SMC4: variants seen among roughly 807,000 people sequenced by gnomAD.
SMC4 encodes structural maintenance of chromosomes 4.
SMC4 carries 87 observed loss-of-function variants against 145.6 expected under a neutral mutation model. The ratio of observed to expected loss-of-function variants is 0.60; its 90% CI spans 0.50 to 0.71. SMC4 has a LOEUF of 0.71. SMC4 is among the 30% of genes least tolerant of loss of function. The pLI, the probability that SMC4 is intolerant of heterozygous loss-of-function variation, is 0.00. For missense variants in SMC4, 1,447 were observed against 1,537.1 expected, an observed-to-expected ratio of 0.94 and a Z score of 0.98; for synonymous variants, 558 against 500.7, an observed-to-expected ratio of 1.11 and a Z score of -1.53.
intron 5 of SMC4, 111 bp downstream of exon 5, chr3:160,404,615 C>A: frequency 1.1e-6 from 1 of 951,976 alleles, no homozygotes; most frequent in Non-Finnish European, 1.7e-6. Context: ...TGTAGCAGCA[C>A]ATCATGGTTT....
At chr3:160,410,675 C>T (rs1378193818) in intron 5 of SMC4, among the ~76,000 whole-genome samples, 1 of 151,636 alleles carries the variant, frequency 6.6e-6, no homozygotes, top group Admixed American at 6.6e-5. Context: ...AAAATTATTT[C>T]TTAATGAGTA....
At chr3:160,410,600 G>A (rs1715876683) in intron 5 of SMC4, among the ~76,000 whole-genome samples, 1 of 152,164 alleles carries the variant, frequency 6.6e-6, no homozygotes, top group South Asian at 2.1e-4. Context: ...TGGGGTAACA[G>A]TTTTACTTTG....
intron 5 of SMC4, among the ~76,000 whole-genome samples, chr3:160,408,983 T>C (rs2108459001): frequency 6.6e-6 from 1 of 152,066 alleles, no homozygotes; most frequent in East Asian, 1.9e-4. Flanking sequence ...AAAAAAGCAA[T>C]ACGGTATAAT....
rs1718707610 is a variant in SMC4 at position 160,433,900 on chromosome 3, C to T, written c.*91C>T. On this transcript the variant is annotated 3_prime_UTR_variant, in exon 24 of 24. Coordinates refer to ENST00000357388, the MANE Select transcript of SMC4 (RefSeq NM_001002800.3). ...TTATGAGTTGTATAAAATACATACT[C>T]CCTAAACTAGATCATGAAACTGGTT... 1 of 888,550 alleles carries T rather than the reference C, an allele frequency of 1.1e-6. No individual in the cohort carries two copies. Among genetic ancestry groups the T allele is most frequent in the Non-Finnish European group, 1.7e-6 (1 of 580,538 alleles). 55.0% of individuals were successfully genotyped at this position (888,550 alleles called of 1,614,324 possible).
At position 160,399,739 on chromosome 3, in the gene SMC4, C is replaced by T. The variant is rs771451633; in HGVS notation, c.-16C>T. 1 of 152,662 alleles carries T rather than the reference C, an allele frequency of 6.6e-6. No individual in the cohort carries two copies. Among genetic ancestry groups the T allele is most frequent in the Non-Finnish European group, 1.5e-5 (1 of 68,086 alleles). The allele number at this position is 152,662 out of a possible 1,614,324, so 9.5% of individuals were successfully genotyped here. On this transcript the variant is annotated 5_prime_UTR_variant, in exon 1 of 24. Coordinates refer to ENST00000357388, the MANE Select transcript of SMC4 (RefSeq NM_001002800.3). ...CGTCTCCAGCCTTGGTCTGAGTGGACTGTCCTGCAGGTAAAGTACTTCTCT... is the reference window on the plus strand; with the variant it reads ...CGTCTCCAGCCTTGGTCTGAGTGGATTGTCCTGCAGGTAAAGTACTTCTCT...
intron 13 of SMC4, among the ~76,000 whole-genome samples, chr3:160,421,431 G>A (rs951404710): frequency 1.3e-5 from 2 of 152,054 alleles, no homozygotes; most frequent in Non-Finnish European, 1.5e-5. Flanking sequence ...CCTTTATTGA[G>A]ATAATTTACC....
Position 160,428,814 on chromosome 3 carries a change from T to C in SMC4, c.2667T>C (p.Asn889=), listed in dbSNP as rs1718069020. The C allele has an allele frequency of 6.2e-7, 1 of 1,607,290 alleles. No individual in the cohort carries two copies. Among genetic ancestry groups the C allele is most frequent in the Admixed American group, 1.7e-5 (1 of 57,652 alleles). The part of the protein sequence containing the change: ...KVEAEVKRLH[N]TIVEINNHKL... ...AAGCTGAGGTTAAACGCTTACACAA[T>C]ACCATCGTAGAAATCAATAATCATA... Residue 889 remains asparagine (N), a synonymous_variant, in exon 18 of 24, where the codon AAT becomes AAC. Transcript: ENST00000357388.
rs549002782 is a variant in SMC4 at position 160,400,652 on chromosome 3, C to T, written c.-5-170C>T. 5 of 784,906 alleles carry T rather than the reference C, an allele frequency of 6.4e-6. No homozygotes were observed. The South Asian group carries it at 8.9e-5, about 14-fold the overall frequency. 48.6% of individuals were successfully genotyped at this position (784,906 alleles called of 1,614,324 possible). ...GGTCTTGTTAAGAAACCAGTCCTGC[C>T]TTCTTGCCACTCGTGTCTTTCGATG... On this transcript the variant is annotated intron_variant, in intron 1 of 23. Coordinates refer to ENST00000357388, the MANE Select transcript of SMC4 (RefSeq NM_001002800.3).
chr3:160,432,680 G>T (rs183980068), intron 22 of SMC4, 165 bp downstream of exon 22: 98 of 551,182 alleles, frequency 1.8e-4, no homozygotes, highest in Admixed American at 5.0e-4. Context: ...CAGTTTACAG[G>T]GGCAGACAGC....
At chr3:160,414,786 G>A (rs1045745559) in intron 9 of SMC4, among the ~76,000 whole-genome samples, 1 of 152,096 alleles carries the variant, frequency 6.6e-6, no homozygotes, top group African/African-American at 2.4e-5. Flanking sequence ...TATGATTATA[G>A]TCTTGAACTC....
Position 160,425,035 on chromosome 3 carries a change from T to A in SMC4, c.2478+16T>A, listed in dbSNP as rs1291855097. ...AAGCATCCAGGTATGTGTGTGTGTG[T>A]GTGTGTGTGTGTGTGTGTACTGAAA... On this transcript the variant is annotated intron_variant, in intron 16 of 23. Coordinates refer to ENST00000357388, the MANE Select transcript of SMC4 (RefSeq NM_001002800.3). 6.4e-7 allele frequency: 1 copy of A among 1,561,860 alleles called. No individual in the cohort carries two copies. The highest frequency in any genetic ancestry group is 1.4e-5 in the African/African-American group (1 of 72,336).
At chr3:160,404,267 G>C in intron 4 of SMC4, 61 bp from the exon 5 acceptor site, 2 of 1,461,926 alleles carry the variant, frequency 1.4e-6, no homozygotes, top group Non-Finnish European at 1.9e-6. Context: ...AGTGAATTTT[G>C]AAGTAGGCCT....
At position 160,414,259 on chromosome 3, in the gene SMC4, T is replaced by C. The variant is rs755766281; in HGVS notation, c.1122-108T>C. The C allele has an allele frequency of 1.2e-5, 11 of 913,698 alleles. No homozygotes were observed. In the South Asian group the frequency reaches 1.5e-4, roughly 12 times the overall value. 56.6% of individuals were successfully genotyped at this position (913,698 alleles called of 1,614,324 possible). On this transcript the variant is annotated intron_variant, in intron 8 of 23. Transcript: ENST00000357388. ...TAAGGAGAGTTTTAGGATCCTGCCT[T>C]ATTAAGAGCCTGGACATATTTATAG...
rs917547016 is a variant in SMC4 at position 160,419,456 on chromosome 3, A to G, written c.1770A>G (p.Leu590=). 2 of 1,612,200 alleles carry G rather than the reference A, an allele frequency of 1.2e-6. No homozygotes were observed. Among genetic ancestry groups the G allele is most frequent in the Non-Finnish European group, 1.7e-6 (2 of 1,179,634 alleles). The change falls in exon 12 of 24, where the codon TTA becomes TTG. Residue 590 remains leucine (L), a synonymous_variant. Transcript: ENST00000357388. ...FQKVEEAKSS[L]AMNRSRGKVL... ...AAGTTGAAGAAGCAAAGAGCTCATT[A>G]GCAATGAATCGAAGTAGGGGGAAAG...
intron 17 of SMC4, 107 bp downstream of exon 17, chr3:160,426,307 G>T: frequency 1.3e-6 from 1 of 794,758 alleles, no homozygotes; most frequent in Non-Finnish European, 2.1e-6. Flanking sequence ...GTATATGCAA[G>T]TCATTGCACT....
intron 10 of SMC4, among the ~76,000 whole-genome samples, chr3:160,417,073 C>T (rs983726390): frequency 3.9e-5 from 6 of 152,072 alleles, no homozygotes; most frequent in African/African-American, 1.4e-4. Context: ...ATAAAATTAT[C>T]TTTGTTTGTA....
intron 7 of SMC4, among the ~76,000 whole-genome samples, 195 bp from the exon 8 acceptor site, chr3:160,413,278 T>G (rs540119259): frequency 1.3e-5 from 2 of 152,084 alleles, no homozygotes; most frequent in African/African-American, 4.8e-5. Flanking sequence ...GCCACCACAT[T>G]GGTACAATGA....
intron 6 of SMC4, 22 bp downstream of exon 6, chr3:160,412,106 A>G (rs1463281622): frequency 5.0e-6 from 8 of 1,599,108 alleles, no homozygotes; most frequent in Non-Finnish European, 6.0e-6. Context: ...GTAGACTTTC[A>G]TTGTAAATCA....
At position 160,434,807 on chromosome 3, in the gene SMC4, A is replaced by T. The variant is rs1366647291; in HGVS notation, c.*998A>T. 1 of 151,640 alleles carries T rather than the reference A, an allele frequency of 6.6e-6. No homozygotes were observed. The highest frequency in any genetic ancestry group is 1.5e-5 in the Non-Finnish European group (1 of 68,010). 9.4% of individuals were successfully genotyped at this position (151,640 alleles called of 1,614,324 possible). ...AAATTTCTGGGTATTTATCCTAAGG[A>T]ATTAATTAAAGAGTTAATTGTTCCT... On this transcript the variant is annotated 3_prime_UTR_variant, in exon 24 of 24. Transcript: ENST00000357388.
Sources: gnomAD v4.1 joint callset for allele counts (sites outside exome capture counted in the v4.1 genomes callset) on GRCh38, gnomAD v4.1.1 for gene constraint, MANE v1.5 for transcripts, NCBI Gene and HGNC (gene_info 2026-07-23, HGNC 2026-07-21) for gene names.